Variants in PCDH15 observed in about 807,000 individuals in gnomAD.
The protein encoded by PCDH15 is protocadherin related 15.
PCDH15 carries 129 observed loss-of-function variants against 178.5 expected under a neutral mutation model. That is an observed-to-expected ratio of 0.72 (90% CI 0.63 to 0.84). The LOEUF (loss-of-function observed/expected upper bound fraction) is 0.84. Ranked by LOEUF, PCDH15 falls within the 40% of genes least tolerant of loss-of-function variation. The pLI is 0.00. For missense variants in PCDH15, 2,230 were observed against 2,099.9 expected, an observed-to-expected ratio of 1.06 and a Z score of -1.21; for synonymous variants, 800 against 732.0, an observed-to-expected ratio of 1.09 and a Z score of -1.50.
At chr10:54,290,451 G>T (rs1252190516) in intron 8 of PCDH15, among the ~76,000 whole-genome samples, 1 of 152,214 alleles carries the variant, frequency 6.6e-6, no homozygotes, top group Non-Finnish European at 1.5e-5. Flanking sequence ...ATGCCAAATT[G>T]TAAAGACCAT....
chr10:55,206,207 A>G (rs2132164630), intron 1 of PCDH15, among the ~76,000 whole-genome samples: 1 of 152,236 alleles, frequency 6.6e-6, no homozygotes, highest in Middle Eastern at 3.4e-3. Flanking sequence ...AAAACAGATC[A>G]AAAGGAAATA....
chr10:54,305,835 A>G (rs1321064056), intron 8 of PCDH15, among the ~76,000 whole-genome samples: 3 of 151,994 alleles, frequency 2.0e-5, no homozygotes, highest in African/African-American at 7.2e-5. Context: ...TTCTGGAAAA[A>G]AAAAATGGCA....
chr10:55,294,232 T>G (rs1025491542), intron 1 of PCDH15, among the ~76,000 whole-genome samples: 27 of 152,268 alleles, frequency 1.8e-4, no homozygotes, highest in African/African-American at 6.3e-4. Context: ...TCCCCATGAT[T>G]CAATTACCTC....
At chr10:53,875,367 T>C (rs2080154947) in intron 26 of PCDH15, among the ~76,000 whole-genome samples, 2 of 151,920 alleles carry the variant, frequency 1.3e-5, no homozygotes, top group Admixed American at 6.6e-5. Flanking sequence ...CTATAATTTA[T>C]TAATAGTAAT....
chr10:54,095,410 T>A (rs2094683710), intron 15 of PCDH15, among the ~76,000 whole-genome samples: 1 of 151,900 alleles, frequency 6.6e-6, no homozygotes, highest in Non-Finnish European at 1.5e-5. Context: ...GTTCATTAAA[T>A]ATTCCAAACA....
intron 2 of PCDH15, among the ~76,000 whole-genome samples, chr10:54,973,441 G>T (rs1319839343): frequency 6.6e-6 from 1 of 152,098 alleles, no homozygotes; most frequent in Non-Finnish European, 1.5e-5. Flanking sequence ...TTGCATCTGT[G>T]CTTGTTGCAG....
chr10:54,025,196 A>G (rs983320141), intron 18 of PCDH15, among the ~76,000 whole-genome samples: 1 of 152,188 alleles, frequency 6.6e-6, no homozygotes, highest in African/African-American at 2.4e-5. Context: ...ATATCTAAAC[A>G]TATCTAAATT....
intron 3 of PCDH15, among the ~76,000 whole-genome samples, chr10:54,440,164 G>GA (rs1258992723): frequency 6.6e-6 from 1 of 151,970 alleles, no homozygotes; most frequent in Non-Finnish European, 1.5e-5. Context: ...AAAGTTGGCT[G>GA]TTTTTCATTC....
intron 18 of PCDH15, among the ~76,000 whole-genome samples, chr10:54,065,974 TCACAGGGAAGGAGTAGGACC>T (rs1174447854): frequency 1.3e-5 from 2 of 152,106 alleles, no homozygotes; most frequent in Non-Finnish European, 2.9e-5. Context: ...GTCAGAACCT[TCACAGGGAAGGAGTAGGACC>T]CTGAACTCTG....
intron 11 of PCDH15, among the ~76,000 whole-genome samples, chr10:54,186,702 A>C (rs2133830782): frequency 6.6e-6 from 1 of 152,098 alleles, no homozygotes; most frequent in South Asian, 2.1e-4. Context: ...ATTGAGAAAA[A>C]GTTCAAGAGG....
intron 10 of PCDH15, among the ~76,000 whole-genome samples, chr10:54,209,534 C>A (rs1347831124): frequency 2.0e-5 from 3 of 151,672 alleles, no homozygotes; most frequent in Non-Finnish European, 4.4e-5. Flanking sequence ...GGGTGACCAA[C>A]TAAAATATGA....
chr10:54,972,412 C>T (rs1838956234), intron 2 of PCDH15, among the ~76,000 whole-genome samples: 1 of 151,892 alleles, frequency 6.6e-6, no homozygotes, highest in African/African-American at 2.4e-5. Context: ...TGGTGATAGG[C>T]ACCTATAAGC....
chr10:55,375,760 T>C (rs988212886), intron 2 of PCDH15, among the ~76,000 whole-genome samples: 3 of 152,120 alleles, frequency 2.0e-5, no homozygotes, highest in Non-Finnish European at 2.9e-5. Flanking sequence ...CAGATGATTT[T>C]TTTTTTACTT....
chr10:54,771,813 C>A (rs1483641612), intron 1 of PCDH15, among the ~76,000 whole-genome samples: 5 of 152,058 alleles, frequency 3.3e-5, no homozygotes, highest in African/African-American at 7.2e-5. Flanking sequence ...CAAAAGACAT[C>A]TTTTATTTGC....
chr10:55,343,155 C>T (rs954758351), intron 2 of PCDH15, among the ~76,000 whole-genome samples: 1 of 152,056 alleles, frequency 6.6e-6, no homozygotes, highest in African/African-American at 2.4e-5. Context: ...CATTTAATGA[C>T]TAGATATGAG....
At chr10:55,272,133 T>G (rs1286841197) in intron 1 of PCDH15, among the ~76,000 whole-genome samples, 1 of 151,984 alleles carries the variant, frequency 6.6e-6, no homozygotes, top group Non-Finnish European at 1.5e-5. Context: ...AGTAGGGAAC[T>G]TAATAATTAT....
intron 13 of PCDH15, among the ~76,000 whole-genome samples, chr10:54,159,558 G>T (rs4601672): frequency 0.3 from 45,219 of 151,894 alleles, 7,089 homozygotes; most frequent in African/African-American, 0.37. Flanking sequence ...TCTTTCAACC[G>T]TAAGAACCCT....
chr10:55,582,628 A>ATTTTTTTTTTTT (rs1554800566), intron 2 of PCDH15, among the ~76,000 whole-genome samples: 4 of 69,024 alleles, frequency 5.8e-5, no homozygotes, highest in African/African-American at 1.3e-4. Flanking sequence ...ATATATATAT[A>ATTTTTTTTTTTT]TTTTTTTTTT....
chr10:54,082,790 G>A (rs2094454559), intron 16 of PCDH15, among the ~76,000 whole-genome samples: 2 of 151,096 alleles, frequency 1.3e-5, no homozygotes, highest in Admixed American at 1.3e-4. Context: ...GTGCATCAAG[G>A]GACATTATCG....
Sources: gnomAD v4.1 joint callset for allele counts (sites outside exome capture counted in the v4.1 genomes callset) on GRCh38, gnomAD v4.1.1 for gene constraint, MANE v1.5 for transcripts, NCBI Gene and HGNC (gene_info 2026-07-23, HGNC 2026-07-21) for gene names.